PCNX4: variants seen among roughly 807,000 people sequenced by gnomAD.
PCNX4 encodes pecanex-like protein 4.
Under a neutral mutation model 107.2 loss-of-function variants are expected in PCNX4, and 103 were observed. The ratio of observed to expected loss-of-function variants is 0.96; its 90% CI spans 0.82 to 1.13. The LOEUF is 1.13. Ranked by LOEUF, PCNX4 falls within the 50% of genes most tolerant of loss-of-function variation. The pLI, the probability that PCNX4 is intolerant of heterozygous loss-of-function variation, is 0.00. For synonymous variants in PCNX4, 541 were observed against 481.7 expected, an observed-to-expected ratio of 1.12 and a Z score of -1.61; for missense variants, 1,528 against 1,379.4, an observed-to-expected ratio of 1.11 and a Z score of -1.71.
chr14:60,111,474 C>G (rs1305774264), intron 2 of PCNX4, among the ~76,000 whole-genome samples: 1 of 152,058 alleles, frequency 6.6e-6, no homozygotes, highest in Non-Finnish European at 1.5e-5. Flanking sequence ...GAAAAGTTAG[C>G]ATTAAAATTG....
chr14:60,120,690 G>C (rs1386474595), intron 7 of PCNX4, among the ~76,000 whole-genome samples: 1 of 152,148 alleles, frequency 6.6e-6, no homozygotes, highest in East Asian at 1.9e-4. Flanking sequence ...AATTTTAGCT[G>C]TTTGCCATAG....
At chr14:60,112,616 T>C (rs938364670) in intron 2 of PCNX4, among the ~76,000 whole-genome samples, 11 of 152,210 alleles carry the variant, frequency 7.2e-5, no homozygotes, top group African/African-American at 2.4e-4. Context: ...GGGTAGAATC[T>C]AGTTTTGATA....
chr14:60,135,909 A>G lies in PCNX4; in HGVS notation c.*1688A>G, dbSNP rs952091221. The G allele has an allele frequency of 3.9e-5, 6 of 152,152 alleles. No homozygotes were observed. Among genetic ancestry groups the G allele is most frequent in the African/African-American group, 9.7e-5 (4 of 41,422 alleles). 9.4% of individuals were successfully genotyped at this position (152,152 alleles called of 1,614,324 possible). On this transcript the variant is annotated 3_prime_UTR_variant, in exon 11 of 11. Coordinates refer to ENST00000406854, the MANE Select transcript of PCNX4 (RefSeq NM_001330177.2). ...ATTGATAGATATTATTTATTGGACT[A>G]CTGTCCCCCAAATAATGTGAATTTT...
chr14:60,112,453 A>G (rs1566933142), intron 2 of PCNX4, among the ~76,000 whole-genome samples: 1 of 152,210 alleles, frequency 6.6e-6, no homozygotes, highest in Non-Finnish European at 1.5e-5. Context: ...GTTTTTCCAT[A>G]TTAAAGAATT....
chr14:60,120,690 GT>G (rs1374291909), intron 7 of PCNX4, among the ~76,000 whole-genome samples: 4 of 152,148 alleles, frequency 2.6e-5, no homozygotes, highest in Admixed American at 1.3e-4. Context: ...AATTTTAGCT[GT>G]TTGCCATAGA....
intron 1 of PCNX4, among the ~76,000 whole-genome samples, chr14:60,097,377 T>C (rs1334369853): frequency 6.6e-6 from 1 of 152,152 alleles, no homozygotes; most frequent in Non-Finnish European, 1.5e-5. Flanking sequence ...CTAAATATAA[T>C]GGAAATTATT....
intron 1 of PCNX4, among the ~76,000 whole-genome samples, chr14:60,105,584 A>T (rs926150650): frequency 2.0e-5 from 3 of 152,172 alleles, no homozygotes; most frequent in Non-Finnish European, 2.9e-5. Flanking sequence ...ATTTTTCAGT[A>T]TATCATGGGC....
rs144808612 is a variant in PCNX4 at position 60,147,735 on chromosome 14, G to A, written c.*13514G>A. ...TCTTATATTAATAGATGGGGAGACT[G>A]AGTGATAGAGAAGTAACTTGCTTTA... On this transcript the variant is annotated 3_prime_UTR_variant, in exon 11 of 11. Transcript: ENST00000406854. 8 of 152,290 alleles carry A rather than the reference G, an allele frequency of 5.3e-5. No individual in the cohort carries two copies. Among genetic ancestry groups the A allele is most frequent in the African/African-American group, 1.9e-4 (8 of 41,556 alleles). 9.4% of individuals were successfully genotyped at this position (152,290 alleles called of 1,614,324 possible). A position where few individuals can be genotyped will look rare whatever the true frequency, so the allele number is the denominator to read the frequency against.
At chr14:60,104,090 G>T (rs797009109) in intron 1 of PCNX4, among the ~76,000 whole-genome samples, 1 of 152,112 alleles carries the variant, frequency 6.6e-6, no homozygotes, top group Non-Finnish European at 1.5e-5. Flanking sequence ...AGAGGCCGAG[G>T]CGGGCAGATC....
chr14:60,111,180 T>C (rs28368977), intron 2 of PCNX4: 131 of 152,870 alleles, frequency 8.6e-4, no homozygotes, highest in African/African-American at 3.0e-3. Context: ...TATTTTGTTA[T>C]GGCAGCCCAA....
chr14:60,124,313 A>G lies in PCNX4; in HGVS notation c.2142A>G (p.Val714=). 2 of 1,611,352 alleles carry G rather than the reference A, an allele frequency of 1.2e-6. No homozygotes were observed. Among genetic ancestry groups the G allele is most frequent in the South Asian group, 1.1e-5 (1 of 90,766 alleles). ...EDAFEQEYTR[V]CSLNEHFGNV... Reference sequence around the variant, plus strand: ...CTTTTGAGCAAGAATACACAAGAGTATGTTCCCTTAATGAACACTTTGGAA... The same window carrying G: ...CTTTTGAGCAAGAATACACAAGAGTGTGTTCCCTTAATGAACACTTTGGAA... The change falls in exon 9 of 11, where the codon GTA becomes GTG. Residue 714 remains valine, a synonymous_variant. Transcript: ENST00000406854.
In PCNX4 at chr14:60,141,408, A is replaced by T. The variant is rs1896304707; in HGVS notation, c.*7187A>T. Reference sequence around the variant, plus strand: ...GTAGAAAGACTGACAAAAAGAAAAAACACAAATCATTATTATCAAGAATGA... The same window carrying T: ...GTAGAAAGACTGACAAAAAGAAAAATCACAAATCATTATTATCAAGAATGA... On this transcript the variant is annotated 3_prime_UTR_variant, in exon 11 of 11. Coordinates refer to ENST00000406854, the MANE Select transcript of PCNX4 (RefSeq NM_001330177.2). 6.6e-6 allele frequency: 1 copy of T among 152,078 alleles called. No homozygotes were observed. The highest frequency in any genetic ancestry group is 1.5e-5 in the Non-Finnish European group (1 of 68,004). 9.4% of individuals were successfully genotyped at this position (152,078 alleles called of 1,614,324 possible). A position where few individuals can be genotyped will look rare whatever the true frequency, so the allele number is the denominator to read the frequency against.
intron 2 of PCNX4, chr14:60,108,781 T>TTTTTTTTTTTTTTTTTTTTTTTTTGAG (rs1555392930): frequency 6.6e-6 from 1 of 150,424 alleles, no homozygotes; most frequent in Non-Finnish European, 1.6e-5. Context: ...ATTGATTTTT[T>TTTTTTTTTTTTTTTTTTTTTTTTTGAG]AAAAACCAAC....
intron 10 of PCNX4, 184 bp from the exon 11 acceptor site, chr14:60,133,786 G>T: frequency 1.5e-6 from 1 of 669,152 alleles, no homozygotes; most frequent in East Asian, 2.7e-5. Flanking sequence ...GGAAGTAGAG[G>T]TAATTCTTGA....
Position 60,108,234 on chromosome 14 carries a change from C to T in PCNX4, c.596C>T (p.Thr199Ile), listed in dbSNP as rs774110825. 17 of 1,612,662 alleles carry T rather than the reference C, an allele frequency of 1.1e-5. No homozygotes were observed. In the South Asian group the frequency reaches 1.9e-4, roughly 18 times the overall value. The change falls in exon 2 of 11, where the codon ACT (threonine) becomes ATT (isoleucine). Residue 199 changes from threonine to isoleucine, a missense_variant. Physicochemically the swap from Thr to Ile is moderately conservative, Grantham distance 89 (BLOSUM62 -1). Transcript: ENST00000406854. ...YSLIVNTATE[T>I]ATFQTQDTYE... ...TTAATTGTAAACACAGCTACAGAGA[C>T]TGCGACTTTCCAAACACAGGATACT... is the stretch of plus-strand genomic sequence containing the variant.
chr14:60,139,540 G>A lies in PCNX4; in HGVS notation c.*5319G>A, dbSNP rs1242977091. The A allele has an allele frequency of 2.6e-5, 4 of 151,940 alleles. No homozygotes were observed. The highest frequency in any genetic ancestry group is 2.4e-5 in the African/African-American group (1 of 41,386). The allele number at this position is 151,940 out of a possible 1,614,324, so 9.4% of individuals were successfully genotyped here. ...CCAGATTTTAATATACTCAGTAACA[G>A]AACAGCAGCCATGCAAAAATACGTA... On this transcript the variant is annotated 3_prime_UTR_variant, in exon 11 of 11. Coordinates refer to ENST00000406854, the MANE Select transcript of PCNX4 (RefSeq NM_001330177.2).
rs77381746 is a variant in PCNX4 at position 60,131,466 on chromosome 14, G to A, written c.3268-2504G>A. ...AGTTAAGGAAATCCCACTTAAAATAGCATCAAAAAGAATAAAATACTTAGG... is the reference window on the plus strand; with the variant it reads ...AGTTAAGGAAATCCCACTTAAAATAACATCAAAAAGAATAAAATACTTAGG... On this transcript the variant is annotated intron_variant, in intron 10 of 10. Transcript: ENST00000406854. Among the ~76,000 whole-genome samples the A allele has an allele frequency of 0.014, 2,143 of 152,212 alleles. 73 individuals are homozygous for A. In the East Asian group the frequency reaches 0.15, roughly 11 times the overall value.
Position 60,134,195 on chromosome 14 carries a change from A to G in PCNX4, c.3493A>G (p.Lys1165Glu). The G allele has an allele frequency of 1.9e-6, 3 of 1,613,708 alleles. No homozygotes were observed. The highest frequency in any genetic ancestry group is 2.5e-6 in the Non-Finnish European group (3 of 1,179,650). The change falls in exon 11 of 11, where the codon AAA becomes GAA. Residue 1165 changes from lysine to glutamate, a missense_variant. Lys to Glu is a moderately conservative substitution (Grantham distance 56, BLOSUM62 1). Coordinates refer to ENST00000406854, the MANE Select transcript of PCNX4 (RefSeq NM_001330177.2). ...CCTGGGATATCCGATTTATTCTTCA[A>G]AACCTCTCCACATACATTTGTATTA... ...PPLGYPIYSS[K>E]PLHIHLY
Position 60,141,402 on chromosome 14 carries a change from G to T in PCNX4, c.*7181G>T, listed in dbSNP as rs989341983. The T allele has an allele frequency of 6.6e-6, 1 of 151,834 alleles. No individual in the cohort carries two copies. The highest frequency in any genetic ancestry group is 2.4e-5 in the African/African-American group (1 of 41,356). The allele number at this position is 151,834 out of a possible 1,614,324, so 9.4% of individuals were successfully genotyped here. A position where few individuals can be genotyped will look rare whatever the true frequency, so the allele number is the denominator to read the frequency against. On this transcript the variant is annotated 3_prime_UTR_variant, in exon 11 of 11. Coordinates refer to ENST00000406854, the MANE Select transcript of PCNX4 (RefSeq NM_001330177.2). ...AAACCTGTAGAAAGACTGACAAAAA[G>T]AAAAAACACAAATCATTATTATCAA...
Sources: gnomAD v4.1 joint callset for allele counts (sites outside exome capture counted in the v4.1 genomes callset) on GRCh38, gnomAD v4.1.1 for gene constraint, MANE v1.5 for transcripts, NCBI Gene and HGNC (gene_info 2026-07-23, HGNC 2026-07-21) for gene names.